GNB1: variants seen among roughly 807,000 people sequenced by gnomAD.
GNB1 encodes G protein subunit beta 1.
Under a neutral mutation model 42.9 loss-of-function variants are expected in GNB1, and 2 were observed. That is an observed-to-expected ratio of 0.05 (90% CI 0.02 to 0.15). The LOEUF is 0.15. Among genes scored for constraint, GNB1 ranks in the 10% least tolerant of loss-of-function variants. The pLI is 1.00. For synonymous variants in GNB1, 183 were observed against 174.7 expected (o/e 1.05, Z -0.38); for missense variants, 193 against 462.2 (o/e 0.42, Z 5.34).
chr1:1,835,478 A>G (rs915424419), intron 2 of GNB1, among the ~76,000 whole-genome samples: 14 of 151,906 alleles, frequency 9.2e-5, no homozygotes, highest in Non-Finnish European at 1.6e-4. Flanking sequence ...ACTTGCTATG[A>G]AAGCAGGTGT....
intron 2 of GNB1, among the ~76,000 whole-genome samples, chr1:1,831,525 T>A (rs1647075568): frequency 6.6e-6 from 1 of 152,036 alleles, no homozygotes; most frequent in South Asian, 2.1e-4. Context: ...CTCGGCTCAC[T>A]GCAACCTCCA....
chr1:1,838,666 G>C (rs1275110997), intron 2 of GNB1, among the ~76,000 whole-genome samples: 1 of 151,216 alleles, frequency 6.6e-6, no homozygotes, highest in Non-Finnish European at 1.5e-5. Flanking sequence ...GGATGGTCTC[G>C]ATCTCCTGAC....
At chr1:1,886,580 ATTTAT>A (rs765406027) in intron 1 of GNB1, among the ~76,000 whole-genome samples, 3 of 152,174 alleles carry the variant, frequency 2.0e-5, no homozygotes, top group Non-Finnish European at 4.4e-5. Flanking sequence ...TCCATTTTAA[ATTTAT>A]TTTATCTCCT....
chr1:1,790,595 C>A lies in GNB1; in HGVS notation c.499G>T (p.Ala167Ser). ...IVTSSGDTTC[A>S]LWDIETGQQT... ...TGGCCGGTCTCGATGTCCCACAGGG[C>A]ACTGGAGCAGGAGCGAATGACAAGG... The change falls in exon 9 of 12, where the codon GCC (alanine) becomes TCC (serine). Residue 167 changes from alanine (A) to serine (S), a missense_variant and splice_region_variant. Coordinates refer to ENST00000378609, the MANE Select transcript of GNB1 (RefSeq NM_002074.5). This position sits in a 1 kb window ranked among gnomAD's most constrained non-coding sequence, Gnocchi z 5.4. 6.2e-7 allele frequency: 1 copy of A among 1,610,500 alleles called. No individual in the cohort carries two copies. Among genetic ancestry groups the A allele is most frequent in the East Asian group, 2.2e-5 (1 of 44,868 alleles).
chr1:1,798,589 C>T (rs889544462), intron 7 of GNB1, among the ~76,000 whole-genome samples: 9 of 152,194 alleles, frequency 5.9e-5, no homozygotes, highest in Non-Finnish European at 1.0e-4. Context: ...CGCCGTGTCT[C>T]CACTGCCCGA....
chr1:1,855,562 G>A (rs530234691), intron 1 of GNB1, among the ~76,000 whole-genome samples: 11 of 152,032 alleles, frequency 7.2e-5, no homozygotes, highest in Admixed American at 2.0e-4. Flanking sequence ...TTAGCAGGGC[G>A]AGGTGGCAGG....
At chr1:1,797,585 C>G (rs1276417056) in intron 7 of GNB1, among the ~76,000 whole-genome samples, 1 of 152,146 alleles carries the variant, frequency 6.6e-6, no homozygotes, top group Non-Finnish European at 1.5e-5. Context: ...CTACAGGCAC[C>G]TGCCACCACA....
intron 3 of GNB1, among the ~76,000 whole-genome samples, chr1:1,819,656 A>G (rs973016745): frequency 2.0e-5 from 3 of 151,594 alleles, no homozygotes; most frequent in African/African-American, 7.3e-5. Context: ...CTCCCACGTC[A>G]GCCTCCTGAA....
At chr1:1,843,401 T>C (rs370729854) in intron 1 of GNB1, among the ~76,000 whole-genome samples, 22 of 152,004 alleles carry the variant, frequency 1.4e-4, no homozygotes, top group Middle Eastern at 6.8e-3. Context: ...AAAATATATA[T>C]ATATTTGTAG....
At chr1:1,871,996 CTTTT>C (rs1203802258) in intron 1 of GNB1, among the ~76,000 whole-genome samples, 3 of 151,516 alleles carry the variant, frequency 2.0e-5, no homozygotes, top group Non-Finnish European at 2.9e-5. Flanking sequence ...TCTGAACAAT[CTTTT>C]TTCTTTTTTT....
chr1:1,817,500 G>A (rs1376926240), intron 4 of GNB1, among the ~76,000 whole-genome samples: 1 of 152,122 alleles, frequency 6.6e-6, no homozygotes, highest in Non-Finnish European at 1.5e-5. Flanking sequence ...ACTTTTTGAG[G>A]TATTATCAAA....
At position 1,821,555 on chromosome 1, in the gene GNB1, T is replaced by A. The variant is rs553799621; in HGVS notation, c.58-3680A>T. On this transcript the variant is annotated intron_variant, in intron 3 of 11. Coordinates refer to ENST00000378609, the MANE Select transcript of GNB1 (RefSeq NM_002074.5). The stretch of plus-strand genomic sequence containing the variant: ...AATCAGGAAAAAATGTTCTACATTT[T>A]AAAAATAAGTCTTCCTTTCCCATTT... Among the ~76,000 whole-genome samples, 9 of 152,334 alleles carry A rather than the reference T, an allele frequency of 5.9e-5. No individual in the cohort carries two copies. The East Asian group carries it at 1.7e-3, about 29-fold the overall frequency.
At chr1:1,845,388 T>A (rs914447434) in intron 1 of GNB1, among the ~76,000 whole-genome samples, 3 of 151,902 alleles carry the variant, frequency 2.0e-5, no homozygotes, top group Non-Finnish European at 2.9e-5. Context: ...CCTAGCTAAC[T>A]CAGTGAAACC....
intron 2 of GNB1, among the ~76,000 whole-genome samples, 173 bp downstream of exon 2, chr1:1,839,017 A>G (rs1387997072): frequency 6.6e-6 from 1 of 152,210 alleles, no homozygotes; most frequent in African/African-American, 2.4e-5. Flanking sequence ...GCTACTCAGG[A>G]TGCTGAGGTG....
At chr1:1,850,320 C>G (rs927315123) in intron 1 of GNB1, among the ~76,000 whole-genome samples, 1 of 151,788 alleles carries the variant, frequency 6.6e-6, no homozygotes, top group Non-Finnish European at 1.5e-5. Context: ...TTAGTAGAGA[C>G]GGGGTTTCTC....
At chr1:1,872,193 G>A (rs961424095) in intron 1 of GNB1, among the ~76,000 whole-genome samples, 3 of 151,976 alleles carry the variant, frequency 2.0e-5, no homozygotes, top group South Asian at 2.1e-4. Context: ...TAGAGACAGA[G>A]TCTTGAACTC....
chr1:1,826,921 G>C (rs575192385), intron 2 of GNB1, among the ~76,000 whole-genome samples: 20 of 152,292 alleles, frequency 1.3e-4, no homozygotes, highest in African/African-American at 4.6e-4. Context: ...TATGACTCAA[G>C]TATAACAAAG....
intron 1 of GNB1, among the ~76,000 whole-genome samples, chr1:1,864,118 C>T (rs1648782082): frequency 6.6e-6 from 1 of 151,222 alleles, no homozygotes; most frequent in African/African-American, 2.4e-5. Flanking sequence ...GTCAGGAGTT[C>T]AAGATCAGCC....
chr1:1,862,111 A>C (rs1196550489), intron 1 of GNB1, among the ~76,000 whole-genome samples: 1 of 152,148 alleles, frequency 6.6e-6, no homozygotes, highest in Non-Finnish European at 1.5e-5. Flanking sequence ...AATCCCAGCT[A>C]CTTGGGAGGC....
Sources: allele counts gnomAD v4.1 joint callset (sites outside exome capture counted in the v4.1 genomes callset), GRCh38; gene constraint gnomAD v4.1.1; non-coding constraint Gnocchi (gnomAD v3.1); transcripts MANE v1.5; gene names NCBI Gene and HGNC (gene_info 2026-07-23, HGNC 2026-07-21).